OSBPL6: variants seen among roughly 807,000 people sequenced by gnomAD.
The protein encoded by OSBPL6 is oxysterol binding protein like 6.
OSBPL6 carries 49 observed loss-of-function variants against 125.8 expected under a neutral mutation model. The observed-to-expected ratio is 0.39, with a 90% CI of 0.31 to 0.49. The LOEUF (loss-of-function observed/expected upper bound fraction) is 0.49. Ranked by LOEUF, OSBPL6 falls within the 20% of genes least tolerant of loss-of-function variation. OSBPL6 has a pLI of 0.88. For missense variants in OSBPL6, 986 were observed against 1,135.4 expected, an observed-to-expected ratio of 0.87 and a Z score of 1.89; for synonymous variants, 394 against 391.8, an observed-to-expected ratio of 1.01 and a Z score of -0.07.
At position 178,402,181 on chromosome 2, in the gene OSBPL6, A is replaced by G. The variant is rs183663654; in HGVS notation, c.*6622A>G. 5.9e-5 allele frequency: 9 copies of G among 152,314 alleles called. No homozygotes were observed. In the East Asian group the frequency reaches 1.5e-3, roughly 26 times the overall value. 9.4% of individuals were successfully genotyped at this position (152,314 alleles called of 1,614,324 possible). A position where few individuals can be genotyped will look rare whatever the true frequency, so the allele number is the denominator to read the frequency against. ...CTGTGACTCACTTTGCCACTTTGTC[A>G]TTTTCTTGACTTCTGTCCCAACGCC... On this transcript the variant is annotated 3_prime_UTR_variant, in exon 25 of 25. Transcript: ENST00000190611.
chr2:178,196,002 C>T (rs956418206), intron 1 of OSBPL6, among the ~76,000 whole-genome samples: 8 of 151,856 alleles, frequency 5.3e-5, no homozygotes, highest in Admixed American at 4.6e-4. Flanking sequence ...ATCCTTCCCC[C>T]CGCCCCCAAC....
In OSBPL6 at chr2:178,376,226, C is replaced by T. The variant is rs563355976; in HGVS notation, c.1533+2199C>T. On this transcript the variant is annotated intron_variant, in intron 15 of 24. Coordinates refer to ENST00000190611, the MANE Select transcript of OSBPL6 (RefSeq NM_032523.4). ...ACAGAACCTCTAATTCAGCACGTCCCAAAAGAGTTCATCAACAAGCCCCAC... is the reference window on the plus strand; with the variant it reads ...ACAGAACCTCTAATTCAGCACGTCCTAAAAGAGTTCATCAACAAGCCCCAC... Among the ~76,000 whole-genome samples, 66 of 152,202 alleles carry T rather than the reference C, an allele frequency of 4.3e-4. 1 individual carries two copies. The South Asian group carries it at 0.012, about 29-fold the overall frequency.
intron 1 of OSBPL6, among the ~76,000 whole-genome samples, chr2:178,275,253 T>C (rs1312166871): frequency 1.3e-5 from 2 of 152,236 alleles, no homozygotes; most frequent in Non-Finnish European, 2.9e-5. Context: ...GGCTTTCGCC[T>C]GTAATCCCAG....
intron 24 of OSBPL6, among the ~76,000 whole-genome samples, chr2:178,394,678 C>T (rs964558597): frequency 6.6e-6 from 1 of 152,184 alleles, no homozygotes; most frequent in Non-Finnish European, 1.5e-5. Context: ...CCAGAAGGCT[C>T]TTTGTCCTTC....
intron 1 of OSBPL6, among the ~76,000 whole-genome samples, chr2:178,257,829 CT>C (rs1335748785): frequency 6.9e-6 from 1 of 145,976 alleles, no homozygotes; most frequent in Non-Finnish European, 1.5e-5. Flanking sequence ...AGATCTTGCT[CT>C]TTTTTTTGAG....
rs16866303 is a variant in OSBPL6 at position 178,372,546 on chromosome 2, G to A, written c.1395+313G>A. ...CATTCATCATTGGAAGTGTTCATTA[G>A]CATCAAATGGCCGGTGAAATGTTGC... On this transcript the variant is annotated intron_variant, in intron 14 of 24. Coordinates refer to ENST00000190611, the MANE Select transcript of OSBPL6 (RefSeq NM_032523.4). Among the ~76,000 whole-genome samples, 164 of 147,292 alleles carry A rather than the reference G, an allele frequency of 1.1e-3. 1 individual carries two copies. The East Asian group carries it at 0.032, about 29-fold the overall frequency.
chr2:178,314,940 T>C (rs983552398), intron 3 of OSBPL6, among the ~76,000 whole-genome samples: 3 of 152,210 alleles, frequency 2.0e-5, no homozygotes. Flanking sequence ...AGGCAGCATT[T>C]GTCAATCATT....
At chr2:178,201,858 A>C (rs79465025) in intron 1 of OSBPL6, among the ~76,000 whole-genome samples, 1 of 152,328 alleles carries the variant, frequency 6.6e-6, no homozygotes, top group South Asian at 2.1e-4. Context: ...CAGTGTTCCC[A>C]TGACCATTCT....
intron 12 of OSBPL6, among the ~76,000 whole-genome samples, chr2:178,356,639 A>G (rs1306156178): frequency 3.9e-5 from 6 of 152,264 alleles, no homozygotes; most frequent in Non-Finnish European, 8.8e-5. Flanking sequence ...GGAAGAATCA[A>G]TATTGTGAAA....
chr2:178,377,677 C>G (rs1486590758), intron 15 of OSBPL6, among the ~76,000 whole-genome samples: 3 of 152,154 alleles, frequency 2.0e-5, no homozygotes, highest in Non-Finnish European at 4.4e-5. Context: ...TGCCATCTAC[C>G]CTGGCCCAAG....
chr2:178,314,981 T>G (rs774120702), intron 3 of OSBPL6, among the ~76,000 whole-genome samples: 7 of 152,214 alleles, frequency 4.6e-5, no homozygotes, highest in Non-Finnish European at 8.8e-5. Flanking sequence ...CTCATTTTTT[T>G]CCTTGAGCAA....
chr2:178,285,233 A>G (rs967554826), intron 2 of OSBPL6, 112 bp downstream of exon 2: 8 of 395,118 alleles, frequency 2.0e-5, no homozygotes, highest in African/African-American at 1.6e-4. Flanking sequence ...GTGTTTCTTT[A>G]TATCTCTTAT....
intron 3 of OSBPL6, among the ~76,000 whole-genome samples, chr2:178,314,264 T>A (rs1687548573): frequency 6.6e-6 from 1 of 152,214 alleles, no homozygotes; most frequent in Non-Finnish European, 1.5e-5. Context: ...GCATCCCTGA[T>A]TTGATACCTA....
intron 2 of OSBPL6, among the ~76,000 whole-genome samples, chr2:178,302,919 C>A (rs1686427080): frequency 6.6e-6 from 1 of 152,144 alleles, no homozygotes; most frequent in Non-Finnish European, 1.5e-5. Context: ...CAACCTCATC[C>A]CTTGGAAGCA....
chr2:178,214,933 C>T (rs2090027426), intron 1 of OSBPL6, among the ~76,000 whole-genome samples: 1 of 151,918 alleles, frequency 6.6e-6, no homozygotes, highest in Admixed American at 6.6e-5. Flanking sequence ...CTCTGGGCAA[C>T]AGAACAAGAC....
At chr2:178,387,806 C>A (rs1405391275) in intron 20 of OSBPL6, among the ~76,000 whole-genome samples, 1 of 151,966 alleles carries the variant, frequency 6.6e-6, no homozygotes, top group Non-Finnish European at 1.5e-5. Context: ...AGATTGAGAC[C>A]ATCCTGGCTA....
At chr2:178,245,868 C>T (rs1395638358) in intron 1 of OSBPL6, among the ~76,000 whole-genome samples, 1 of 152,128 alleles carries the variant, frequency 6.6e-6, no homozygotes, top group African/African-American at 2.4e-5. Context: ...AAGCCCCCAG[C>T]CCTAAATTCC....
intron 1 of OSBPL6, among the ~76,000 whole-genome samples, chr2:178,208,043 G>A (rs1053186241): frequency 1.3e-5 from 2 of 152,056 alleles, no homozygotes; most frequent in African/African-American, 2.4e-5. Context: ...CCAGCACTTC[G>A]GGAGGTCAAG....
chr2:178,324,583 A>C (rs1688531263), intron 4 of OSBPL6, among the ~76,000 whole-genome samples: 1 of 152,230 alleles, frequency 6.6e-6, no homozygotes, highest in African/African-American at 2.4e-5. Context: ...CAGCTAATGG[A>C]AAAGAAAAAA....
Sources: allele counts gnomAD v4.1 joint callset (sites outside exome capture counted in the v4.1 genomes callset), GRCh38; gene constraint gnomAD v4.1.1; transcripts MANE v1.5; gene names NCBI Gene and HGNC (gene_info 2026-07-23, HGNC 2026-07-21).